Variants in PAPSS2 observed in about 807,000 individuals in gnomAD.
PAPSS2 encodes bifunctional 3'-phosphoadenosine 5'-phosphosulfate synthase 2.
A neutral mutation model predicts 66.5 loss-of-function variants in PAPSS2; 61 were observed. That is an observed-to-expected ratio of 0.92 (90% CI 0.75 to 1.14). The LOEUF (loss-of-function observed/expected upper bound fraction) is 1.14, where lower values mean the gene tolerates loss of function less well. Ranked by LOEUF, PAPSS2 falls within the 50% of genes most tolerant of loss-of-function variation. The pLI is 0.00. For missense variants in PAPSS2, 708 were observed against 789.6 expected (o/e 0.90, Z 1.24); for synonymous variants, 289 against 287.5 (o/e 1.01, Z -0.05).
intron 1 of PAPSS2, among the ~76,000 whole-genome samples, chr10:87,679,775 C>T (rs1852995341): frequency 1.3e-5 from 2 of 151,978 alleles, no homozygotes; most frequent in African/African-American, 2.4e-5. Flanking sequence ...TCTGTAATCC[C>T]GGCACTTCAG....
chr10:87,697,258 C>A (rs553619304), intron 1 of PAPSS2, among the ~76,000 whole-genome samples: 8 of 152,306 alleles, frequency 5.3e-5, no homozygotes, highest in South Asian at 4.1e-4. Context: ...GAAGATCAGG[C>A]AGGCTCAGGG....
intron 1 of PAPSS2, among the ~76,000 whole-genome samples, chr10:87,707,779 C>T (rs953911692): frequency 4.0e-5 from 6 of 151,810 alleles, no homozygotes; most frequent in Admixed American, 6.6e-5. Flanking sequence ...ACTATGTTGC[C>T]CAGGCTGATC....
In PAPSS2 at chr10:87,713,161, G is replaced by A; in HGVS notation, c.232G>A (p.Gly78Arg). 6.2e-7 allele frequency: 1 copy of A among 1,613,124 alleles called. No individual in the cohort carries two copies. Among genetic ancestry groups the A allele is most frequent in the Non-Finnish European group, 8.5e-7 (1 of 1,179,470 alleles). Residue 78 changes from glycine (G) to arginine (R), a missense_variant, in exon 3 of 13, where the codon GGG becomes AGG. By Grantham distance (125) the Gly-to-Arg change is moderately radical. Transcript: ENST00000456849. ...SHAIPCYSLD[G>R]DNVRHGLNRN... ...TGCCATCCCTTGTTACTCCCTGGATGGGGACAATGTCCGTCATGGCCTTAA... is the reference window on the plus strand; with the variant it reads ...TGCCATCCCTTGTTACTCCCTGGATAGGGACAATGTCCGTCATGGCCTTAA...
At chr10:87,701,163 T>C (rs888307781) in intron 1 of PAPSS2, among the ~76,000 whole-genome samples, 2 of 151,518 alleles carry the variant, frequency 1.3e-5, no homozygotes, top group African/African-American at 4.8e-5. Flanking sequence ...ATATAATTAG[T>C]AAAAATGTTA....
At chr10:87,707,598 C>A (rs1254612389) in intron 1 of PAPSS2, among the ~76,000 whole-genome samples, 2 of 121,146 alleles carry the variant, frequency 1.7e-5, no homozygotes, top group Admixed American at 1.1e-4. Flanking sequence ...GAGACAGGGT[C>A]TCGCTCTGTT....
At chr10:87,741,130 G>A in intron 9 of PAPSS2, 105 bp from the exon 10 acceptor site, 1 of 1,112,672 alleles carries the variant, frequency 9.0e-7, no homozygotes, top group Non-Finnish European at 1.4e-6. Context: ...AGAACTGAAG[G>A]CAGTTCTTTA....
In PAPSS2 at chr10:87,739,063, T is replaced by C. The variant is rs185507470; in HGVS notation, c.1087-2172T>C. 4.6e-5 allele frequency among the ~76,000 whole-genome samples: 7 copies of C among 152,356 alleles called. No homozygotes were observed. The East Asian group carries it at 1.3e-3, about 29-fold the overall frequency. ...TTTGTTGCCCATGTTTTAGATGTCA[T>C]GTCTAATAAATCATTTCCAACTCCA... is the stretch of plus-strand genomic sequence containing the variant. On this transcript the variant is annotated intron_variant, in intron 9 of 12. Coordinates refer to ENST00000456849, the MANE Select transcript of PAPSS2 (RefSeq NM_001015880.2).
intron 1 of PAPSS2, among the ~76,000 whole-genome samples, chr10:87,674,859 C>T (rs1564708951): frequency 6.6e-6 from 1 of 152,126 alleles, no homozygotes; most frequent in Non-Finnish European, 1.5e-5. Context: ...CATTTAAAAA[C>T]ACTTTTCTGA....
chr10:87,705,705 A>G (rs973048416), intron 1 of PAPSS2, among the ~76,000 whole-genome samples: 2 of 150,548 alleles, frequency 1.3e-5, no homozygotes, highest in Admixed American at 1.3e-4. Flanking sequence ...ATCTTTTTCC[A>G]TTTTAAAATA....
chr10:87,675,504 A>G (rs1237026381), intron 1 of PAPSS2, among the ~76,000 whole-genome samples: 3 of 142,114 alleles, frequency 2.1e-5, no homozygotes, highest in Non-Finnish European at 4.8e-5. Context: ...AGTCAAGCAC[A>G]TTTATTATTC....
chr10:87,732,581 T>C (rs1853743042), intron 9 of PAPSS2, among the ~76,000 whole-genome samples: 1 of 152,138 alleles, frequency 6.6e-6, no homozygotes, highest in African/African-American at 2.4e-5. Context: ...CATTGCACAC[T>C]TCATAGACTA....
At position 87,713,583 on chromosome 10, in the gene PAPSS2, G is replaced by A. The variant is rs73340875; in HGVS notation, c.381+273G>A. ...TTATAAGGAACATTTGGTGAGAGTC[G>A]AAGGGAAGAGAAAGTTAAACAAGAG... On this transcript the variant is annotated intron_variant, in intron 3 of 12. Coordinates refer to ENST00000456849, the MANE Select transcript of PAPSS2 (RefSeq NM_001015880.2). Among the ~76,000 whole-genome samples, 576 of 152,236 alleles carry A rather than the reference G, an allele frequency of 3.8e-3. 7 individuals are homozygous for A. The highest frequency in any genetic ancestry group is 0.013 in the African/African-American group (547 of 41,536).
chr10:87,667,860 A>G (rs1181482704), intron 1 of PAPSS2, among the ~76,000 whole-genome samples: 1 of 152,234 alleles, frequency 6.6e-6, no homozygotes, highest in Non-Finnish European at 1.5e-5. Flanking sequence ...GCTAGTCAAT[A>G]TTTGGTTTAA....
intron 1 of PAPSS2, among the ~76,000 whole-genome samples, chr10:87,694,154 A>C (rs1853204791): frequency 6.6e-6 from 1 of 152,194 alleles, no homozygotes; most frequent in African/African-American, 2.4e-5. Flanking sequence ...ATTTTATGAG[A>C]TGTAGAGAGG....
intron 7 of PAPSS2, among the ~76,000 whole-genome samples, chr10:87,719,115 C>T (rs1361769214): frequency 6.6e-6 from 1 of 152,128 alleles, no homozygotes; most frequent in East Asian, 1.9e-4. Flanking sequence ...ATCCTAAATG[C>T]CTGTGTAAAT....
chr10:87,704,741 A>G (rs940464412), intron 1 of PAPSS2, among the ~76,000 whole-genome samples: 17 of 152,168 alleles, frequency 1.1e-4, no homozygotes, highest in African/African-American at 3.6e-4. Flanking sequence ...TCCTGGGTTC[A>G]AGTGATTCTC....
intron 1 of PAPSS2, chr10:87,660,368 G>A: frequency 4.6e-6 from 2 of 439,420 alleles, no homozygotes; most frequent in East Asian, 9.0e-5. Context: ...TCTTCTGTAG[G>A]GTCTCGGAGC....
rs2131733681 is a variant in PAPSS2 at position 87,746,892 on chromosome 10, CA to C, written c.*923del. On this transcript the variant is annotated 3_prime_UTR_variant, in exon 13 of 13. Transcript: ENST00000456849. ...CAGAAAACAAAGAATCCAACCCTTT[CA>C]TCTTACAGGTGAACAAACTGTGATG... 6.6e-6 allele frequency: 1 copy of C among 152,320 alleles called. No homozygotes were observed. The highest frequency in any genetic ancestry group is 2.1e-4 in the South Asian group (1 of 4,826). 9.4% of individuals were successfully genotyped at this position (152,320 alleles called of 1,614,324 possible).
At chr10:87,686,766 C>T (rs367670421) in intron 1 of PAPSS2, among the ~76,000 whole-genome samples, 6 of 152,240 alleles carry the variant, frequency 3.9e-5, no homozygotes, top group East Asian at 1.9e-4. Context: ...TTCTGATTAA[C>T]GTCAGAGAAG....
Sources: gnomAD v4.1 joint callset for allele counts (sites outside exome capture counted in the v4.1 genomes callset) on GRCh38, gnomAD v4.1.1 for gene constraint, MANE v1.5 for transcripts, NCBI Gene and HGNC (gene_info 2026-07-23, HGNC 2026-07-21) for gene names.